SPHKAP: variants seen among roughly 807,000 people sequenced by gnomAD.
SPHKAP encodes A-kinase anchor protein SPHKAP.
Under a neutral mutation model 137.5 loss-of-function variants are expected in SPHKAP, and 67 were observed. That is an observed-to-expected ratio of 0.49 (90% CI 0.40 to 0.60). SPHKAP has a LOEUF of 0.60. SPHKAP is among the 20% of genes least tolerant of loss of function. The pLI, the probability that SPHKAP is intolerant of heterozygous loss-of-function variation, is 0.00. For missense variants in SPHKAP, 2,097 were observed against 2,069.3 expected (o/e 1.01, Z -0.26); for synonymous variants, 813 against 785.3 (o/e 1.04, Z -0.59).
At chr2:228,092,214 T>C (rs1055734370) in intron 3 of SPHKAP, among the ~76,000 whole-genome samples, 6 of 137,498 alleles carry the variant, frequency 4.4e-5, no homozygotes, top group Non-Finnish European at 8.0e-5. Context: ...CACACATATA[T>C]ACACACATAT....
In SPHKAP at chr2:227,981,676, G is replaced by T. The variant is rs181359905; in HGVS notation, c.*41C>A. 2.6e-3 allele frequency: 4,129 copies of T among 1,582,582 alleles called. 31 individuals carry two copies. Among genetic ancestry groups the T allele is most frequent in the Admixed American group, 2.0e-3 (109 of 53,698 alleles). ...AGAACAAACCACTGTAATCTAAGTT[G>T]GAATAAAGGGAAGGAATGATCTATA... On this transcript the variant is annotated 3_prime_UTR_variant, in exon 12 of 12. Transcript: ENST00000392056.
chr2:228,020,066 T>C lies in SPHKAP; in HGVS notation c.788A>G (p.Lys263Arg). 1 of 1,614,234 alleles carries C rather than the reference T, an allele frequency of 6.2e-7. No individual in the cohort carries two copies. The highest frequency in any genetic ancestry group is 8.5e-7 in the Non-Finnish European group (1 of 1,180,044). Residue 263 changes from lysine to arginine, a missense_variant, in exon 7 of 12, where the codon AAG becomes AGG. Transcript: ENST00000392056. The part of the protein sequence containing the change: ...TQVEWNCNKE[K>R]WLYALEDKYI... ...TTTGTCTTCCAAAGCATAAAGCCACTTTTCCTTGTTGCAATTCCATTCCAC... is the reference window on the plus strand; with the variant it reads ...TTTGTCTTCCAAAGCATAAAGCCACCTTTCCTTGTTGCAATTCCATTCCAC...
chr2:228,012,588 A>G (rs895239100), intron 7 of SPHKAP, among the ~76,000 whole-genome samples: 1 of 152,148 alleles, frequency 6.6e-6, no homozygotes, highest in African/African-American at 2.4e-5. Context: ...AGGTTTTCCT[A>G]TGTACTCTCC....
chr2:228,122,168 G>A (rs894838200), intron 2 of SPHKAP, among the ~76,000 whole-genome samples: 1 of 152,106 alleles, frequency 6.6e-6, no homozygotes, highest in Admixed American at 6.6e-5. Flanking sequence ...TAAAAGGCCT[G>A]GGGGAATGAC....
intron 2 of SPHKAP, among the ~76,000 whole-genome samples, chr2:228,114,410 A>T (rs187671844): frequency 5.0e-4 from 76 of 152,296 alleles, no homozygotes; most frequent in African/African-American, 1.8e-3. Flanking sequence ...AGTAATTTAA[A>T]TTGGAGAAGA....
At chr2:228,118,857 C>T (rs556299720) in intron 2 of SPHKAP, among the ~76,000 whole-genome samples, 1 of 152,166 alleles carries the variant, frequency 6.6e-6, no homozygotes, top group East Asian at 1.9e-4. Flanking sequence ...AGCATTGGTG[C>T]ACAAAACAAG....
intron 3 of SPHKAP, among the ~76,000 whole-genome samples, chr2:228,105,682 T>A (rs552277705): frequency 1.3e-5 from 2 of 152,252 alleles, no homozygotes; most frequent in South Asian, 2.1e-4. Context: ...GTTTCCCCCA[T>A]ACTGTTCCGG....
chr2:227,995,378 G>T, intron 8 of SPHKAP, 131 bp downstream of exon 8: 1 of 1,075,118 alleles, frequency 9.3e-7, no homozygotes, highest in Non-Finnish European at 1.4e-6. Context: ...CCTCGACATA[G>T]TGGGAACTTT....
In SPHKAP at chr2:228,132,071, G is replaced by C. The variant is rs756302311; in HGVS notation, c.47C>G (p.Ser16Ter). Residue 16 changes from serine (S) to a stop codon, truncating the protein, a stop_gained, in exon 2 of 12, where the codon TCA (serine) becomes TGA (stop). Coordinates refer to ENST00000392056, the MANE Select transcript of SPHKAP (RefSeq NM_001142644.2). LOFTEE classifies it high-confidence loss of function. ...LLSVPSNLES[S>*]RMYDVLEPQQ... Reference sequence around the variant, plus strand: ...CGGTTCCAAAACGTCATACATCCGTGATGACTCCAAGTTGCTGTTTGTGAC... The same window carrying C: ...CGGTTCCAAAACGTCATACATCCGTCATGACTCCAAGTTGCTGTTTGTGAC... 1 of 1,613,806 alleles carries C rather than the reference G, an allele frequency of 6.2e-7. No homozygotes were observed. The highest frequency in any genetic ancestry group is 8.5e-7 in the Non-Finnish European group (1 of 1,179,906).
rs562971089 is a variant in SPHKAP, at chr2:228,083,924, G to T, written c.246+24908C>A. ...AGGGAGGGGGATATCACACACTGGG[G>T]CCTGTTGTGGGGTGCAGGGCAAGGG... On this transcript the variant is annotated intron_variant, in intron 3 of 11. Transcript: ENST00000392056. 3.3e-5 allele frequency among the ~76,000 whole-genome samples: 5 copies of T among 152,110 alleles called. No homozygotes were observed. The South Asian group carries it at 6.2e-4, about 19-fold the overall frequency.
chr2:227,992,300 CTTAT>C (rs1693443830), intron 9 of SPHKAP, among the ~76,000 whole-genome samples: 1 of 152,126 alleles, frequency 6.6e-6, no homozygotes, highest in Non-Finnish European at 1.5e-5. Flanking sequence ...TTCATTCATA[CTTAT>C]TTATTTGCAG....
At chr2:228,001,392 TA>T (rs1196094185) in intron 7 of SPHKAP, among the ~76,000 whole-genome samples, 3 of 142,780 alleles carry the variant, frequency 2.1e-5, no homozygotes, top group South Asian at 2.1e-4. Flanking sequence ...TACACATATA[TA>T]AATATATATA....
intron 1 of SPHKAP, among the ~76,000 whole-genome samples, chr2:228,137,596 T>C (rs1699475253): frequency 6.6e-6 from 1 of 152,204 alleles, no homozygotes; most frequent in Admixed American, 6.5e-5. Flanking sequence ...TGAAATGTAG[T>C]AATTATAATT....
chr2:228,098,822 T>TG (rs1264471186), intron 3 of SPHKAP, among the ~76,000 whole-genome samples: 3 of 151,980 alleles, frequency 2.0e-5, no homozygotes, highest in Admixed American at 1.3e-4. Context: ...GGGTTTTTTT[T>TG]GCTTGTTGAT....
chr2:228,020,111 T>A lies in SPHKAP; in HGVS notation c.743A>T (p.Gln248Leu). The A allele has an allele frequency of 6.2e-7, 1 of 1,611,568 alleles. No individual in the cohort carries two copies. Reference protein sequence around the residue: ...NVSANVLESKQLKGATQVEWN... With the variant: ...NVSANVLESKLLKGATQVEWN... Reference sequence around the variant, plus strand: ...TTCCACCTGGGTGGCTCCCTTTAGCTGTTTACTTTCCAAAACATTGGCTGA... The same window carrying A: ...TTCCACCTGGGTGGCTCCCTTTAGCAGTTTACTTTCCAAAACATTGGCTGA... Residue 248 changes from glutamine (Q) to leucine (L), a missense_variant, in exon 7 of 12, where the codon CAG (glutamine) becomes CTG (leucine). Transcript: ENST00000392056.
intron 2 of SPHKAP, among the ~76,000 whole-genome samples, chr2:228,126,024 G>A (rs1699067048): frequency 6.6e-6 from 1 of 152,102 alleles, no homozygotes; most frequent in Admixed American, 6.6e-5. Context: ...AGGTTGCAGT[G>A]AGCTGAGATC....
intron 1 of SPHKAP, among the ~76,000 whole-genome samples, chr2:228,169,247 T>G (rs768125391): frequency 6.6e-6 from 1 of 152,204 alleles, no homozygotes; most frequent in Non-Finnish European, 1.5e-5. Context: ...CAACAGATTT[T>G]CAATGTAAAT....
chr2:228,002,194 A>G (rs1336727415), intron 7 of SPHKAP, among the ~76,000 whole-genome samples: 2 of 152,114 alleles, frequency 1.3e-5, no homozygotes, highest in Non-Finnish European at 2.9e-5. Flanking sequence ...CAACAGTGTA[A>G]AAGTGTTCCT....
intron 7 of SPHKAP, among the ~76,000 whole-genome samples, chr2:228,004,541 T>C (rs1426838784): frequency 5.3e-5 from 8 of 152,244 alleles, no homozygotes; most frequent in African/African-American, 9.6e-5. Flanking sequence ...AAGGGTTTTT[T>C]GTGTCTCTAT....
Sources: allele counts gnomAD v4.1 joint callset (sites outside exome capture counted in the v4.1 genomes callset), GRCh38; gene constraint gnomAD v4.1.1; transcripts MANE v1.5; gene names NCBI Gene and HGNC (gene_info 2026-07-23, HGNC 2026-07-21).